FOXA2: variants seen among roughly 807,000 people sequenced by gnomAD.
The protein encoded by FOXA2 is forkhead box A2.
A neutral mutation model predicts 33.3 loss-of-function variants in FOXA2; 9 were observed. That is an observed-to-expected ratio of 0.27 (90% CI 0.16 to 0.47). The LOEUF is 0.47. Among genes scored for constraint, FOXA2 ranks in the 20% least tolerant of loss-of-function variants. The probability of loss-of-function intolerance (pLI) is 0.99; values close to 1 mark genes in which losing one functional copy is unlikely to be tolerated. For missense variants in FOXA2, 704 were observed against 659.9 expected (o/e 1.07, Z -0.73); for synonymous variants, 329 against 289.4 (o/e 1.14, Z -1.39).
rs550869341 is a variant in FOXA2 at position 22,584,182 on chromosome 20, G to T, written c.87+10C>A. 2 of 1,613,088 alleles carry T rather than the reference G, an allele frequency of 1.2e-6. No homozygotes were observed. The highest frequency in any genetic ancestry group is 1.7e-5 in the Admixed American group (1 of 60,022). On this transcript the variant is annotated intron_variant, in intron 1 of 1. Coordinates refer to ENST00000419308, the MANE Select transcript of FOXA2 (RefSeq NM_021784.5). ...CGCTCCACTTCCCCCTGGAAAAGACGAGCGCTTACCTCGGGCTCTGCATAG... is the reference window on the plus strand; with the variant it reads ...CGCTCCACTTCCCCCTGGAAAAGACTAGCGCTTACCTCGGGCTCTGCATAG...
At chr20:22,584,715 G>T (rs1360573667), upstream of FOXA2, among the ~76,000 whole-genome samples, 1 of 150,830 alleles carries the variant, frequency 6.6e-6, no homozygotes, top group South Asian at 2.1e-4. Flanking sequence ...AGGAGGAGGA[G>T]GTGTGGACCG....
Position 22,582,166 on chromosome 20 carries a change from G to C in FOXA2, c.1076C>G (p.Pro359Arg). 1.3e-6 allele frequency: 2 copies of C among 1,559,752 alleles called. No homozygotes were observed. The change falls in exon 2 of 2, where the codon CCC (proline) becomes CGC (arginine). Residue 359 changes from proline to arginine, a missense_variant. Pro to Arg is a moderately radical substitution (Grantham distance 103, BLOSUM62 -2). This residue lies in a region of FOXA2 where 343 missense variants were observed against 274.8 expected (regional missense o/e 1.25). Transcript: ENST00000419308. ...CTCAGGCGGCAGGCCCGGGTGGTGGGGCGGGCCCAGCAGGTGGGCCGCGGC... is the reference window on the plus strand; with the variant it reads ...CTCAGGCGGCAGGCCCGGGTGGTGGCGCGGGCCCAGCAGGTGGGCCGCGGC... ...QQAAAHLLGP[P>R]HHPGLPPEAH...
Position 22,581,797 on chromosome 20 carries a change from C to T in FOXA2, c.*53G>A. 1.3e-6 allele frequency: 2 copies of T among 1,571,772 alleles called. No individual in the cohort carries two copies. Among genetic ancestry groups the T allele is most frequent in the East Asian group, 4.5e-5 (2 of 44,432 alleles). On this transcript the variant is annotated 3_prime_UTR_variant, in exon 2 of 2. Transcript: ENST00000419308. ...GTCTCGACCCCCACTTGCTCTCTCA[C>T]TTGTCCTCGATCCGGGGTGCCAGAG...
chr20:22,583,249 G>A, intron 1 of FOXA2, 95 bp from the exon 2 acceptor site: 3 of 1,376,004 alleles, frequency 2.2e-6, no homozygotes, highest in Non-Finnish European at 3.1e-6. Context: ...TCCGCGTCCG[G>A]GGAGGCCTCC....
Position 22,582,050 on chromosome 20 carries a change from G to T in FOXA2, c.1192C>A (p.His398Asn). Residue 398 changes from histidine (H) to asparagine (N), a missense_variant, in exon 2 of 2, where the codon CAC (histidine) becomes AAC (asparagine). Physicochemically the swap from His to Asn is moderately conservative, Grantham distance 68. This residue lies in a region of FOXA2 where 343 missense variants were observed against 274.8 expected (regional missense o/e 1.25). Coordinates refer to ENST00000419308, the MANE Select transcript of FOXA2 (RefSeq NM_021784.5). Reference protein sequence around the residue: ...MSSEQQHHHSHHHHQPHKMDL... With the variant: ...MSSEQQHHHSNHHHQPHKMDL... ...ATTTTGTGGGGTTGGTGGTGGTGGT[G>T]GCTGTGGTGGTGCTGCTGCTCCGAG... The T allele has an allele frequency of 6.2e-7, 1 of 1,613,614 alleles. No individual in the cohort carries two copies. The highest frequency in any genetic ancestry group is 8.5e-7 in the Non-Finnish European group (1 of 1,179,542).
chr20:22,583,481 C>A (rs1380066219), intron 1 of FOXA2, among the ~76,000 whole-genome samples: 1 of 152,230 alleles, frequency 6.6e-6, no homozygotes, highest in Non-Finnish European at 1.5e-5. Context: ...CCCAGAGTCT[C>A]CCCAAACTCT....
rs1218485504 is a variant in FOXA2 at position 22,582,122 on chromosome 20, G to A, written c.1120C>T (p.His374Tyr). Residue 374 changes from histidine (H) to tyrosine (Y), a missense_variant, in exon 2 of 2, where the codon CAC (histidine) becomes TAC (tyrosine). Physicochemically the swap from His to Tyr is moderately conservative, Grantham distance 83. Transcript: ENST00000419308. ...LPPEAHLKPEHHYAFNHPFSI... is the reference protein window; with the variant it reads ...LPPEAHLKPEYHYAFNHPFSI... The stretch of plus-strand genomic sequence containing the variant: ...AACGGGTGGTTGAAGGCGTAGTGGT[G>A]TTCCGGCTTCAGGTGGGCCTCAGGC... The A allele has an allele frequency of 1.9e-6, 3 of 1,597,878 alleles. No homozygotes were observed. The highest frequency in any genetic ancestry group is 1.8e-5 in the Admixed American group (1 of 56,568).
At position 22,582,800 on chromosome 20, in the gene FOXA2, G is replaced by T; in HGVS notation, c.442C>A (p.Leu148Met). 1.9e-6 allele frequency: 3 copies of T among 1,613,778 alleles called. No homozygotes were observed. The highest frequency in any genetic ancestry group is 2.5e-6 in the Non-Finnish European group (3 of 1,179,860). ...SMSPMYGQAG[L>M]SRARDPKTYR... ...GTCTTGGGGTCGCGGGCGCGGCTCAGGCCCGCCTGCCCGTACATGGGGCTC... is the reference window on the plus strand; with the variant it reads ...GTCTTGGGGTCGCGGGCGCGGCTCATGCCCGCCTGCCCGTACATGGGGCTC... Residue 148 changes from leucine to methionine, a missense_variant, in exon 2 of 2, where the codon CTG (leucine) becomes ATG (methionine). Leu to Met is a conservative substitution (Grantham distance 15, BLOSUM62 2). Transcript: ENST00000419308.
chr20:22,583,007 T>TGCCAGC lies in FOXA2; in HGVS notation c.229_234dup (p.Ala77_Gly78dup). 1 of 1,608,768 alleles carries TGCCAGC rather than the reference T, an allele frequency of 6.2e-7. No homozygotes were observed. The highest frequency in any genetic ancestry group is 8.5e-7 in the Non-Finnish European group (1 of 1,179,270). On this transcript the variant is annotated inframe_insertion, in exon 2 of 2. Transcript: ENST00000419308. ...GACATCCCCGCCAGGGACGGGCTCATGCCAGCGCCCACGTACGACGACATG... is the reference window on the plus strand; with the variant it reads ...GACATCCCCGCCAGGGACGGGCTCATGCCAGCGCCAGCGCCCACGTACGACGACATG...
chr20:22,584,896 C>A (rs1234365897), upstream of FOXA2, among the ~76,000 whole-genome samples: 2 of 152,182 alleles, frequency 1.3e-5, no homozygotes, highest in South Asian at 2.1e-4. Flanking sequence ...GCCTGCCGTC[C>A]GCCCCACCGC....
Position 22,583,110 on chromosome 20 carries a change from G to A in FOXA2, c.132C>T (p.Asn44=), listed in dbSNP as rs1223653386. The A allele has an allele frequency of 6.2e-7, 1 of 1,607,460 alleles. No individual in the cohort carries two copies. Among genetic ancestry groups the A allele is most frequent in the Admixed American group, 1.7e-5 (1 of 60,028 alleles). The part of the protein sequence containing the change: ...VSNMNAGLGM[N]GMNTYMSMSA... ...ACATGCTCATGTACGTGTTCATGCC[G>A]TTCATCCCCAGGCCGGCGTTCATGT... is the stretch of plus-strand genomic sequence containing the variant. Residue 44 remains asparagine (N), a synonymous_variant, in exon 2 of 2, where the codon AAC becomes AAT. Transcript: ENST00000419308.
rs753223729 is a variant in FOXA2 at position 22,583,153 on chromosome 20, C to T, written c.89G>A (p.Gly30Asp). The T allele has an allele frequency of 1.2e-6, 2 of 1,601,082 alleles. No individual in the cohort carries two copies. The highest frequency in any genetic ancestry group is 2.2e-5 in the South Asian group (2 of 91,088). The change falls in exon 2 of 2, where the codon GGC (glycine) becomes GAC (aspartate). Residue 30 changes from glycine (G) to aspartate (D), a missense_variant and splice_region_variant. Transcript: ENST00000419308. ...GTTCATGTTGCTCACGGAGGAGTAG[C>T]CCTGCGGACAGAGCCCCGGGAGGGA... ...DWSSYYAEPEGYSSVSNMNAG... is the reference protein window; with the variant it reads ...DWSSYYAEPEDYSSVSNMNAG...
At position 22,581,852 on chromosome 20, in the gene FOXA2, A is replaced by T; in HGVS notation, c.1390T>A (p.Ter464LysextTer9). The change falls in exon 2 of 2, where the codon TAA becomes AAA. Residue 464 changes from the stop codon to lysine, a stop_lost. Coordinates refer to ENST00000419308, the MANE Select transcript of FOXA2 (RefSeq NM_021784.5). ...CCGGGCCTGAAGCCGTCGTCTTCTT[A>T]AGAGGAGTTCATAATGGGCCGGGAG... The part of the protein sequence containing the change: ...VYSRPIMNSS[*>K] 1 of 1,608,030 alleles carries T rather than the reference A, an allele frequency of 6.2e-7. No homozygotes were observed. The highest frequency in any genetic ancestry group is 8.5e-7 in the Non-Finnish European group (1 of 1,175,172).
chr20:22,585,162 G>T (rs999075471), upstream of FOXA2: 2 of 152,238 alleles, frequency 1.3e-5, no homozygotes, highest in Non-Finnish European at 2.9e-5. Context: ...ATGAAAGCCG[G>T]ATTTATTTAT....
In FOXA2 at chr20:22,584,367, G is replaced by A. The variant is rs967465757; in HGVS notation, c.-89C>T. 10 of 1,044,174 alleles carry A rather than the reference G, an allele frequency of 9.6e-6. No homozygotes were observed. In the African/African-American group the frequency reaches 1.1e-4, roughly 12 times the overall value. The allele number at this position is 1,044,174 out of a possible 1,614,324, so 64.7% of individuals were successfully genotyped here. A position where few individuals can be genotyped will look rare whatever the true frequency, so the allele number is the denominator to read the frequency against. The stretch of plus-strand genomic sequence containing the variant: ...TTAAAAAAAAGTCAGCCAAAGCACC[G>A]TCCCCTCCTCCCTCCCTCTCTCGCG... On this transcript the variant is annotated 5_prime_UTR_variant, in exon 1 of 2. It adds an upstream start codon to the 5' untranslated region. Coordinates refer to ENST00000419308, the MANE Select transcript of FOXA2 (RefSeq NM_021784.5).
In FOXA2 at chr20:22,584,275, G is replaced by T; in HGVS notation, c.4C>A (p.His2Asn). 1.2e-6 allele frequency: 2 copies of T among 1,613,350 alleles called. No homozygotes were observed. Among genetic ancestry groups the T allele is most frequent in the South Asian group, 1.1e-5 (1 of 91,064 alleles). M[H>N]SASSMLGAVK... ...GCTCCCAGCATACTGGAAGCCGAGT[G>T]CATGGCAGTTTAAAATTTAACAGCC... is the stretch of plus-strand genomic sequence containing the variant. Residue 2 changes from histidine (H) to asparagine (N), a missense_variant, in exon 1 of 2, where the codon CAC becomes AAC. His to Asn is a moderately conservative substitution (Grantham distance 68). Around this residue, in one of 5 missense-constraint regions of FOXA2, gnomAD observed 304 missense variants for 251.7 expected, o/e 1.21. Coordinates refer to ENST00000419308, the MANE Select transcript of FOXA2 (RefSeq NM_021784.5).
chr20:22,582,774 G>A lies in FOXA2; in HGVS notation c.468C>T (p.Thr156=). 6.2e-7 allele frequency: 1 copy of A among 1,614,132 alleles called. No homozygotes were observed. The highest frequency in any genetic ancestry group is 8.5e-7 in the Non-Finnish European group (1 of 1,180,016). ...AGLSRARDPK[T]YRRSYTHAKP... is the part of the protein sequence containing the mutation. ...TTGCGTGCGTGTAGCTGCGCCTGTAGGTCTTGGGGTCGCGGGCGCGGCTCA... is the reference window on the plus strand; with the variant it reads ...TTGCGTGCGTGTAGCTGCGCCTGTAAGTCTTGGGGTCGCGGGCGCGGCTCA... The change falls in exon 2 of 2, where the codon ACC becomes ACT. Residue 156 remains threonine, a synonymous_variant. Coordinates refer to ENST00000419308, the MANE Select transcript of FOXA2 (RefSeq NM_021784.5).
Position 22,582,807 on chromosome 20 carries a change from C to G in FOXA2, c.435G>C (p.Gln145His). ...GGTCGCGGGCGCGGCTCAGGCCCGC[C>G]TGCCCGTACATGGGGCTCATGGAGT... ...NMNSMSPMYG[Q>H]AGLSRARDPK... Residue 145 changes from glutamine to histidine, a missense_variant, in exon 2 of 2, where the codon CAG becomes CAC. Gln to His is a conservative substitution (Grantham distance 24, BLOSUM62 0). Coordinates refer to ENST00000419308, the MANE Select transcript of FOXA2 (RefSeq NM_021784.5). 1 of 1,613,488 alleles carries G rather than the reference C, an allele frequency of 6.2e-7. No homozygotes were observed. Among genetic ancestry groups the G allele is most frequent in the Non-Finnish European group, 8.5e-7 (1 of 1,179,666 alleles).
At chr20:22,583,231 C>G (rs1175774904) in intron 1 of FOXA2, 77 bp from the exon 2 acceptor site, 1 of 1,531,736 alleles carries the variant, frequency 6.5e-7, no homozygotes, top group Non-Finnish European at 8.9e-7. Context: ...CCACCCACCG[C>G]CCAGGCCTCC....
Sources: allele counts gnomAD v4.1 joint callset (sites outside exome capture counted in the v4.1 genomes callset), GRCh38; gene constraint gnomAD v4.1.1; regional missense constraint gnomAD v4.1.1; transcripts MANE v1.5; gene names NCBI Gene and HGNC (gene_info 2026-07-23, HGNC 2026-07-21).